Variants in ATXN10 observed in about 807,000 individuals in gnomAD.
ATXN10 encodes the protein ataxin-10.
A neutral mutation model predicts 52.9 loss-of-function variants in ATXN10; 28 were observed. The observed-to-expected ratio is 0.53, with a 90% CI of 0.39 to 0.73. The LOEUF (loss-of-function observed/expected upper bound fraction) is 0.73, where lower values mean the gene tolerates loss of function less well. Among genes scored for constraint, ATXN10 ranks in the 30% least tolerant of loss-of-function variants. The pLI is 0.00. For missense variants in ATXN10, 565 were observed against 577.0 expected, an observed-to-expected ratio of 0.98 and a Z score of 0.21; for synonymous variants, 226 against 221.5, an observed-to-expected ratio of 1.02 and a Z score of -0.18.
chr22:45,689,378 T>G, intron 1 of ATXN10: 1 of 372,684 alleles, frequency 2.7e-6, no homozygotes, highest in East Asian at 6.4e-5. Context: ...TCACTTGGCC[T>G]TGTGTCTCTG....
In ATXN10 at chr22:45,727,331, A is replaced by ATATCTATCTATCTATCTATCTATC. The variant is rs71315146; in HGVS notation, c.729-2072_729-2049dup. 4.8e-5 allele frequency among the ~76,000 whole-genome samples: 7 copies of ATATCTATCTATCTATCTATCTATC among 146,678 alleles called. No individual in the cohort carries two copies. The highest frequency in any genetic ancestry group is 1.0e-4 in the African/African-American group (4 of 39,208). On this transcript the variant is annotated intron_variant, in intron 6 of 11. Transcript: ENST00000252934. The surrounding 1 kb of genome is among the most constrained non-coding windows in gnomAD (Gnocchi z 4.6). ...GTTCTGTCTGTCTGTCTATCTATCT[A>ATATCTATCTATCTATCTATCTATC]TATCTATCTATCTATCTATCTATCT...
At position 45,693,198 on chromosome 22, in the gene ATXN10, T is replaced by A. The variant is rs1923453848; in HGVS notation, c.391+120T>A. On this transcript the variant is annotated intron_variant, in intron 3 of 11. Coordinates refer to ENST00000252934, the MANE Select transcript of ATXN10 (RefSeq NM_013236.4). ...TCTGTATTTCATGAGATAGGGAAAC[T>A]TTAATAGTGAATTATTAAAGAATTA... The A allele has an allele frequency of 4.9e-6, 4 of 823,256 alleles. No homozygotes were observed. The Admixed American group carries it at 8.7e-5, about 18-fold the overall frequency. 51.0% of individuals were successfully genotyped at this position (823,256 alleles called of 1,614,324 possible).
intron 9 of ATXN10, among the ~76,000 whole-genome samples, chr22:45,806,264 A>G (rs1285091599): frequency 6.6e-6 from 1 of 152,166 alleles, no homozygotes; most frequent in East Asian, 1.9e-4. Flanking sequence ...CAGGTAAGAA[A>G]TGTGTATAAT....
chr22:45,773,747 T>A (rs1242697711), intron 9 of ATXN10, among the ~76,000 whole-genome samples: 2 of 152,194 alleles, frequency 1.3e-5, no homozygotes, highest in Admixed American at 1.3e-4. Context: ...TGTGAGCCAC[T>A]GCACCTGGCC....
At position 45,708,246 on chromosome 22, in the gene ATXN10, T is replaced by C. The variant is rs1924115311; in HGVS notation, c.647+5399T>C. On this transcript the variant is annotated intron_variant, in intron 5 of 11. Coordinates refer to ENST00000252934, the MANE Select transcript of ATXN10 (RefSeq NM_013236.4). The surrounding 1 kb of genome is among the most constrained non-coding windows in gnomAD (Gnocchi z 5.3). ...ATGAATCCAGGGATTCTATTTTGAGTTCATCTAAATCTGAAAGTCCAGTAA... is the reference window on the plus strand; with the variant it reads ...ATGAATCCAGGGATTCTATTTTGAGCTCATCTAAATCTGAAAGTCCAGTAA... 6.6e-6 allele frequency among the ~76,000 whole-genome samples: 1 copy of C among 152,206 alleles called. No homozygotes were observed. Among genetic ancestry groups the C allele is most frequent in the Non-Finnish European group, 1.5e-5 (1 of 68,036 alleles).
rs567803775 is a variant in ATXN10 at position 45,672,198 on chromosome 22, G to A, written c.116+19G>A. The A allele has an allele frequency of 1.3e-4, 203 of 1,515,194 alleles. 1 individual carries two copies. Among genetic ancestry groups the A allele is most frequent in the Non-Finnish European group, 1.3e-4 (150 of 1,134,426 alleles). The allele number at this position is 1,515,194 out of a possible 1,614,324, so 93.9% of individuals were successfully genotyped here. On this transcript the variant is annotated intron_variant, in intron 1 of 11. Coordinates refer to ENST00000252934, the MANE Select transcript of ATXN10 (RefSeq NM_013236.4). ...GGAACCGGTAACGGGTCCGGCCGGG[G>A]GGCTGCCCCGGGCAGGGGAGGGCGG...
At position 45,744,541 on chromosome 22, in the gene ATXN10, G is replaced by C. The variant is rs1232569410; in HGVS notation, c.1173+4003G>C. The stretch of plus-strand genomic sequence containing the variant: ...GACCAAGTGTGATTTAACTCAGCTA[G>C]CACTTGCTGAGTGAGAATTGCCGTG... On this transcript the variant is annotated intron_variant, in intron 9 of 11. Transcript: ENST00000252934. This position sits in a 1 kb window ranked among gnomAD's most constrained non-coding sequence, Gnocchi z 4.9. The C allele has an allele frequency of 1.3e-5, 2 of 152,250 alleles. No individual in the cohort carries two copies. Among genetic ancestry groups the C allele is most frequent in the Non-Finnish European group, 2.9e-5 (2 of 68,054 alleles). The allele number at this position is 152,250 out of a possible 1,614,324, so 9.4% of individuals were successfully genotyped here. A position where few individuals can be genotyped will look rare whatever the true frequency, so the allele number is the denominator to read the frequency against.
intron 9 of ATXN10, among the ~76,000 whole-genome samples, chr22:45,742,138 T>G (rs1249121641): frequency 1.3e-5 from 2 of 152,026 alleles, no homozygotes; most frequent in Non-Finnish European, 1.5e-5. Context: ...CCCTAGAGTT[T>G]ATAGTATTAA....
intron 3 of ATXN10, among the ~76,000 whole-genome samples, chr22:45,699,131 T>C (rs1260996199): frequency 6.6e-6 from 1 of 152,234 alleles, no homozygotes; most frequent in Non-Finnish European, 1.5e-5. Context: ...TTATTGGTGT[T>C]GTTTTTGGCC....
chr22:45,772,516 C>T lies in ATXN10; in HGVS notation c.1173+31978C>T, dbSNP rs963202392. Among the ~76,000 whole-genome samples, 1 of 152,120 alleles carries T rather than the reference C, an allele frequency of 6.6e-6. No individual in the cohort carries two copies. Among genetic ancestry groups the T allele is most frequent in the Non-Finnish European group, 1.5e-5 (1 of 68,016 alleles). On this transcript the variant is annotated intron_variant, in intron 9 of 11. Transcript: ENST00000252934. This position sits in a 1 kb window ranked among gnomAD's most constrained non-coding sequence, Gnocchi z 4.1. Reference sequence around the variant, plus strand: ...CTTAAAATTGGGTAGTGTGATTCATCCAACTTTATTTTAGTGATTTAATCT... The same window carrying T: ...CTTAAAATTGGGTAGTGTGATTCATTCAACTTTATTTTAGTGATTTAATCT...
At position 45,690,550 on chromosome 22, in the gene ATXN10, AGT is replaced by A; in HGVS notation, c.308+648_308+649del. 1.3e-5 allele frequency among the ~76,000 whole-genome samples: 2 copies of A among 152,270 alleles called. No individual in the cohort carries two copies. Among genetic ancestry groups the A allele is most frequent in the Admixed American group, 1.3e-4 (2 of 15,298 alleles). ...ATTTTACCTGCCTAAGTTTATATGC[AGT>A]TCTTGACCTCAGGTTGTAAATGTTT... On this transcript the variant is annotated intron_variant, in intron 2 of 11. Coordinates refer to ENST00000252934, the MANE Select transcript of ATXN10 (RefSeq NM_013236.4). The surrounding 1 kb of genome is among the most constrained non-coding windows in gnomAD (Gnocchi z 4.5).
chr22:45,811,508 C>T (rs1000108617), intron 10 of ATXN10, among the ~76,000 whole-genome samples: 5 of 152,168 alleles, frequency 3.3e-5, no homozygotes, highest in Non-Finnish European at 7.4e-5. Context: ...TTTAGATACA[C>T]AGATACTTAT....
Position 45,729,425 on chromosome 22 carries a change from A to C in ATXN10, c.729A>C (p.Arg243Ser), listed in dbSNP as rs547165095. 42 of 1,613,942 alleles carry C rather than the reference A, an allele frequency of 2.6e-5. No individual in the cohort carries two copies. The highest frequency in any genetic ancestry group is 1.6e-4 in the Middle Eastern group (1 of 6,084). Reference sequence around the variant, plus strand: ...TGCAGAAATCCTTTATGTTTTACAGAGTTACACTGTTAGACCTTATGATAG... The same window carrying C: ...TGCAGAAATCCTTTATGTTTTACAGCGTTACACTGTTAGACCTTATGATAG... ...AMFPKLNNQERVTLLDLMIAK... is the reference protein window; with the variant it reads ...AMFPKLNNQESVTLLDLMIAK... The change falls in exon 7 of 12, where the codon AGA becomes AGC. Residue 243 changes from arginine to serine, a missense_variant and splice_region_variant. By Grantham distance (110) the Arg-to-Ser change is moderately radical. Coordinates refer to ENST00000252934, the MANE Select transcript of ATXN10 (RefSeq NM_013236.4).
chr22:45,687,165 A>G (rs1161049316), intron 1 of ATXN10, among the ~76,000 whole-genome samples: 3 of 152,252 alleles, frequency 2.0e-5, no homozygotes, highest in Non-Finnish European at 4.4e-5. Context: ...TTATAAGGGC[A>G]TGGTGCATAT....
rs926674206 is a variant in ATXN10 at position 45,671,961 on chromosome 22, C to A, written c.-103C>A. 87 of 1,335,828 alleles carry A rather than the reference C, an allele frequency of 6.5e-5. No homozygotes were observed. Among genetic ancestry groups the A allele is most frequent in the Non-Finnish European group, 8.1e-5 (79 of 977,938 alleles). The allele number at this position is 1,335,828 out of a possible 1,614,324, so 82.7% of individuals were successfully genotyped here. A position where few individuals can be genotyped will look rare whatever the true frequency, so the allele number is the denominator to read the frequency against. Reference sequence around the variant, plus strand: ...AGGGCTGTGTAGGGCGAGGCCTCCCCCTTCCTCCTCGCCATCCTACTCCTC... The same window carrying A: ...AGGGCTGTGTAGGGCGAGGCCTCCCACTTCCTCCTCGCCATCCTACTCCTC... On this transcript the variant is annotated 5_prime_UTR_variant, in exon 1 of 12. Coordinates refer to ENST00000252934, the MANE Select transcript of ATXN10 (RefSeq NM_013236.4).
intron 2 of ATXN10, 146 bp from the exon 3 acceptor site, chr22:45,692,850 T>G: frequency 1.4e-6 from 1 of 711,996 alleles, no homozygotes; most frequent in Non-Finnish European, 2.5e-6. Context: ...TTGCTATATT[T>G]TTCCTGTAAA....
At chr22:45,836,185 C>T (rs989579097) in intron 10 of ATXN10, among the ~76,000 whole-genome samples, 2 of 152,178 alleles carry the variant, frequency 1.3e-5, no homozygotes, top group Admixed American at 1.3e-4. Context: ...TAGACTTGTA[C>T]TTTAATTTTC....
At chr22:45,720,154 C>T (rs963497991) in intron 6 of ATXN10, among the ~76,000 whole-genome samples, 1 of 152,124 alleles carries the variant, frequency 6.6e-6, no homozygotes, top group Non-Finnish European at 1.5e-5. Flanking sequence ...TCATACTGGT[C>T]AGTAAACCTT....
chr22:45,822,523 ATTTTTTTTTTT>A (rs763159693), intron 10 of ATXN10, among the ~76,000 whole-genome samples: 1 of 96,634 alleles, frequency 1.0e-5, no homozygotes. Flanking sequence ...AATTTCTCCA[ATTTTTTTTTTT>A]TTTTTTTTTT....
Sources: gnomAD v4.1 joint callset for allele counts (sites outside exome capture counted in the v4.1 genomes callset) on GRCh38, gnomAD v4.1.1 for gene constraint, Gnocchi (gnomAD v3.1) non-coding constraint, MANE v1.5 for transcripts, NCBI Gene and HGNC (gene_info 2026-07-23, HGNC 2026-07-21) for gene names.